Variants in EYS observed in about 807,000 individuals in gnomAD.
EYS encodes protein eyes shut homolog.
A neutral mutation model predicts 282.1 loss-of-function variants in EYS; 250 were observed. The observed-to-expected ratio is 0.89, with a 90% CI of 0.80 to 0.98. The LOEUF is 0.98. EYS is among the 50% of genes least tolerant of loss of function. EYS has a pLI of 0.00. For synonymous variants in EYS, 1,355 were observed against 1,282.9 expected, an observed-to-expected ratio of 1.06 and a Z score of -1.20; for missense variants, 4,016 against 3,709.0, an observed-to-expected ratio of 1.08 and a Z score of -2.15.
intron 22 of EYS, among the ~76,000 whole-genome samples, chr6:64,638,252 C>G (rs1452943788): frequency 1.1e-5 from 1 of 91,536 alleles, no homozygotes; most frequent in Non-Finnish European, 2.4e-5. Flanking sequence ...GAGGCAGGGA[C>G]AGAACTAAAC....
chr6:64,934,644 C>T (rs1583307782), intron 15 of EYS, among the ~76,000 whole-genome samples: 1 of 151,806 alleles, frequency 6.6e-6, no homozygotes, highest in East Asian at 1.9e-4. Context: ...AGACTATCAA[C>T]CATGAATTCT....
At position 64,096,562 on chromosome 6, in the gene EYS, A is replaced by T. The variant is rs555263076; in HGVS notation, c.6425-14560T>A. Among the ~76,000 whole-genome samples, 3 of 152,304 alleles carry T rather than the reference A, an allele frequency of 2.0e-5. No homozygotes were observed. The South Asian group carries it at 6.2e-4, about 32-fold the overall frequency. ...TCGAATCAGCTACTGAGGCTTGTGCATTCGTCACGTAGTTCTCATGCTGTG... is the reference window on the plus strand; with the variant it reads ...TCGAATCAGCTACTGAGGCTTGTGCTTTCGTCACGTAGTTCTCATGCTGTG... On this transcript the variant is annotated intron_variant, in intron 31 of 42. Coordinates refer to ENST00000503581, the MANE Select transcript of EYS (RefSeq NM_001142800.2).
chr6:63,826,666 TAC>T (rs1771469284), intron 36 of EYS, among the ~76,000 whole-genome samples: 2 of 152,226 alleles, frequency 1.3e-5, no homozygotes, highest in Non-Finnish European at 1.5e-5. Flanking sequence ...GAAGGAAAGA[TAC>T]AGTCATTTTC....
chr6:63,770,467 T>C (rs1769903158), intron 40 of EYS, among the ~76,000 whole-genome samples: 1 of 152,154 alleles, frequency 6.6e-6, no homozygotes, highest in Non-Finnish European at 1.5e-5. Flanking sequence ...ACAAAATCTA[T>C]GTGGTGTGAT....
At chr6:64,831,703 C>T (rs1230655424) in intron 19 of EYS, among the ~76,000 whole-genome samples, 4 of 151,972 alleles carry the variant, frequency 2.6e-5, no homozygotes, top group Non-Finnish European at 5.9e-5. Context: ...CTCTCTTAGA[C>T]TTTGTTACCA....
chr6:64,357,135 A>C (rs537232922), intron 29 of EYS, among the ~76,000 whole-genome samples: 21 of 151,830 alleles, frequency 1.4e-4, no homozygotes, highest in Non-Finnish European at 2.5e-4. Flanking sequence ...TTGAATCAAA[A>C]CAAAATAATT....
chr6:64,318,861 G>A (rs1770088714), intron 29 of EYS, among the ~76,000 whole-genome samples: 1 of 151,664 alleles, frequency 6.6e-6, no homozygotes. Flanking sequence ...TCACGTTAGG[G>A]TAAATGGGGT....
At chr6:64,878,982 C>T (rs9354184) in intron 19 of EYS, among the ~76,000 whole-genome samples, 73,321 of 151,956 alleles carry the variant, frequency 0.48, 19,877 homozygotes, top group East Asian at 0.68. Flanking sequence ...TCCATTAACA[C>T]GCATTTTTGT....
intron 26 of EYS, among the ~76,000 whole-genome samples, chr6:64,453,787 C>G (rs911235992): frequency 6.6e-6 from 1 of 151,982 alleles, no homozygotes; most frequent in African/African-American, 2.4e-5. Context: ...TGTTCTCACT[C>G]GTAGGTGGGA....
At chr6:63,845,889 T>C (rs1198453042) in intron 36 of EYS, among the ~76,000 whole-genome samples, 1 of 152,196 alleles carries the variant, frequency 6.6e-6, no homozygotes. Flanking sequence ...TATCATAATA[T>C]GTGGGAGAAA....
intron 31 of EYS, among the ~76,000 whole-genome samples, chr6:64,118,488 C>T (rs1773465121): frequency 6.6e-6 from 1 of 151,972 alleles, no homozygotes; most frequent in Admixed American, 6.6e-5. Flanking sequence ...TATCCATATC[C>T]AGAAAAATGA....
intron 19 of EYS, among the ~76,000 whole-genome samples, chr6:64,872,132 A>G (rs905654771): frequency 6.6e-6 from 1 of 152,022 alleles, no homozygotes; most frequent in African/African-American, 2.4e-5. Flanking sequence ...AGTACAGTTG[A>G]CAACTCATAT....
chr6:64,269,714 T>C (rs1767876713), intron 30 of EYS, among the ~76,000 whole-genome samples: 1 of 152,086 alleles, frequency 6.6e-6, no homozygotes, highest in Admixed American at 6.6e-5. Flanking sequence ...ACTATATTTC[T>C]TGCTATTTGA....
intron 26 of EYS, among the ~76,000 whole-genome samples, chr6:64,583,443 G>A (rs1766136830): frequency 6.6e-6 from 1 of 152,080 alleles, no homozygotes; most frequent in African/African-American, 2.4e-5. Context: ...AACAATCATA[G>A]TGGTGACTGG....
chr6:64,402,734 C>T (rs1773576274), intron 28 of EYS, among the ~76,000 whole-genome samples: 2 of 152,118 alleles, frequency 1.3e-5, no homozygotes, highest in South Asian at 2.1e-4. Context: ...TTCAATTGTT[C>T]TCTGGCAAAT....
At chr6:65,662,345 G>A (rs942255421) in intron 1 of EYS, among the ~76,000 whole-genome samples, 2 of 152,004 alleles carry the variant, frequency 1.3e-5, no homozygotes, top group Non-Finnish European at 2.9e-5. Context: ...TCTCATATCA[G>A]CCAAAGTATG....
chr6:64,049,058 T>C (rs543796110), intron 33 of EYS, among the ~76,000 whole-genome samples: 1 of 152,330 alleles, frequency 6.6e-6, no homozygotes, highest in East Asian at 1.9e-4. Context: ...TGAATTCCCA[T>C]GGCACTTACA....
At chr6:64,892,670 A>T (rs1767325700) in intron 18 of EYS, among the ~76,000 whole-genome samples, 1 of 152,062 alleles carries the variant, frequency 6.6e-6, no homozygotes, top group African/African-American at 2.4e-5. Flanking sequence ...GTTATATATA[A>T]ATATATGTCT....
At chr6:64,444,418 C>G (rs181419591) in intron 26 of EYS, among the ~76,000 whole-genome samples, 4 of 152,122 alleles carry the variant, frequency 2.6e-5, no homozygotes, top group Admixed American at 2.6e-4. Context: ...TATTTTATAG[C>G]TTTTAGAAAG....
Sources: gnomAD v4.1 joint callset for allele counts (sites outside exome capture counted in the v4.1 genomes callset) on GRCh38, gnomAD v4.1.1 for gene constraint, MANE v1.5 for transcripts, NCBI Gene and HGNC (gene_info 2026-07-23, HGNC 2026-07-21) for gene names.